PPP1R9A: variants seen among roughly 807,000 people sequenced by gnomAD.
PPP1R9A encodes protein phosphatase 1 regulatory subunit 9A, also known as neurabin-1.
Under a neutral mutation model 141.9 loss-of-function variants are expected in PPP1R9A, and 59 were observed. That is an observed-to-expected ratio of 0.42 (90% CI 0.34 to 0.52). PPP1R9A has a LOEUF of 0.52. Ranked by LOEUF, PPP1R9A falls within the 20% of genes least tolerant of loss-of-function variation. PPP1R9A has a pLI of 0.10. For missense variants in PPP1R9A, 1,444 were observed against 1,611.9 expected, an observed-to-expected ratio of 0.90 and a Z score of 1.78; for synonymous variants, 500 against 569.7, an observed-to-expected ratio of 0.88 and a Z score of 1.74.
chr7:95,053,385 G>GT, intron 2 of PPP1R9A, among the ~76,000 whole-genome samples: 1 of 152,278 alleles, frequency 6.6e-6, no homozygotes, highest in East Asian at 1.9e-4. Flanking sequence ...CACTAAGGAA[G>GT]TTTTTGTATA....
At chr7:94,921,534 A>C (rs1321593264) in intron 2 of PPP1R9A, among the ~76,000 whole-genome samples, 5 of 152,052 alleles carry the variant, frequency 3.3e-5, no homozygotes, top group Non-Finnish European at 7.4e-5. Flanking sequence ...ATTGATGTGC[A>C]AAATTGTTTT....
intron 8 of PPP1R9A, among the ~76,000 whole-genome samples, chr7:95,230,096 C>T (rs1255645680): frequency 6.6e-6 from 1 of 152,148 alleles, no homozygotes; most frequent in African/African-American, 2.4e-5. Flanking sequence ...CAGGAAACCC[C>T]ATTCCTAGGG....
intron 2 of PPP1R9A, among the ~76,000 whole-genome samples, chr7:95,006,899 GT>G (rs1183344350): frequency 4.7e-5 from 7 of 149,960 alleles, no homozygotes; most frequent in African/African-American, 1.7e-4. Context: ...TTTCGCGCTT[GT>G]TGCCCAGGCT....
intron 2 of PPP1R9A, among the ~76,000 whole-genome samples, chr7:95,079,586 T>A (rs1414844589): frequency 1.3e-5 from 2 of 151,928 alleles, no homozygotes; most frequent in Non-Finnish European, 2.9e-5. Context: ...CTAACTCATT[T>A]TATGAGGCCA....
chr7:94,917,676 G>T (rs892812013), intron 2 of PPP1R9A, among the ~76,000 whole-genome samples: 1 of 151,710 alleles, frequency 6.6e-6, no homozygotes, highest in Non-Finnish European at 1.5e-5. Flanking sequence ...CCGAAGTGCT[G>T]AGATTAAAGG....
chr7:95,001,842 CAG>C (rs1802971287), intron 2 of PPP1R9A, among the ~76,000 whole-genome samples: 1 of 152,040 alleles, frequency 6.6e-6, no homozygotes, highest in Admixed American at 6.6e-5. Flanking sequence ...ATTTGAAAAA[CAG>C]AAAAACAAAC....
At chr7:95,037,574 G>T (rs1808605920) in intron 2 of PPP1R9A, among the ~76,000 whole-genome samples, 1 of 152,098 alleles carries the variant, frequency 6.6e-6, no homozygotes, top group Non-Finnish European at 1.5e-5. Flanking sequence ...TAAATACCAG[G>T]TTTGCACTAT....
chr7:94,910,201 C>T lies in PPP1R9A; in HGVS notation c.88C>T (p.Leu30=). 6.2e-7 allele frequency: 1 copy of T among 1,614,034 alleles called. No individual in the cohort carries two copies. Among genetic ancestry groups the T allele is most frequent in the South Asian group, 1.1e-5 (1 of 91,074 alleles). Residue 30 remains leucine (L), a synonymous_variant, in exon 2 of 20, where the codon CTG becomes TTG. Transcript: ENST00000433360. This position sits in a 1 kb window ranked among gnomAD's most constrained non-coding sequence, Gnocchi z 4.5. ...TGCATATCGAACTGAGTTTCAGGCA[C>T]TGAAAAGTACCTTTGACAAACCCAA... ...RNAYRTEFQA[L]KSTFDKPKSD...
intron 2 of PPP1R9A, among the ~76,000 whole-genome samples, chr7:94,997,476 A>T (rs923411511): frequency 6.6e-6 from 1 of 152,140 alleles, no homozygotes; most frequent in African/African-American, 2.4e-5. Context: ...AAACTTCGTT[A>T]TAGTGGGTCT....
At chr7:95,189,688 G>A (rs185139336) in intron 5 of PPP1R9A, among the ~76,000 whole-genome samples, 45 of 151,666 alleles carry the variant, frequency 3.0e-4, no homozygotes, top group Admixed American at 1.3e-3. Flanking sequence ...CGCCTGCCTC[G>A]GCCTCCCAAA....
intron 2 of PPP1R9A, among the ~76,000 whole-genome samples, chr7:95,072,423 A>G (rs1813969980): frequency 6.9e-6 from 1 of 144,078 alleles, no homozygotes; most frequent in Admixed American, 7.3e-5. Flanking sequence ...TTTATGATTC[A>G]TCTCAAACTG....
chr7:95,187,185 A>C (rs914366510), intron 5 of PPP1R9A, among the ~76,000 whole-genome samples: 1 of 152,016 alleles, frequency 6.6e-6, no homozygotes, highest in Non-Finnish European at 1.5e-5. Context: ...TTACTATTTC[A>C]ATCTTATTAC....
chr7:95,001,562 A>G (rs1288499064), intron 2 of PPP1R9A, among the ~76,000 whole-genome samples: 1 of 152,218 alleles, frequency 6.6e-6, no homozygotes, highest in Non-Finnish European at 1.5e-5. Context: ...GTTATCCTTT[A>G]TGAGGAGAAT....
At chr7:94,995,040 C>A (rs1376518783) in intron 2 of PPP1R9A, among the ~76,000 whole-genome samples, 2 of 152,110 alleles carry the variant, frequency 1.3e-5, no homozygotes, top group Non-Finnish European at 2.9e-5. Context: ...GTGATGAATT[C>A]TTCCAGCTTT....
intron 2 of PPP1R9A, among the ~76,000 whole-genome samples, chr7:95,003,439 C>T (rs1258029788): frequency 3.3e-5 from 5 of 152,046 alleles, no homozygotes; most frequent in Non-Finnish European, 7.4e-5. Context: ...CAAGTAAGAT[C>T]ATTTAGAAAC....
intron 5 of PPP1R9A, among the ~76,000 whole-genome samples, chr7:95,197,052 A>G (rs1836393132): frequency 6.6e-6 from 1 of 152,174 alleles, no homozygotes; most frequent in South Asian, 2.1e-4. Context: ...AGTATTTATT[A>G]AAAGGCAATT....
chr7:95,268,646 C>T lies in PPP1R9A; in HGVS notation c.2762C>T (p.Ser921Phe). The change falls in exon 13 of 20, where the codon TCT (serine) becomes TTT (phenylalanine). Residue 921 changes from serine (S) to phenylalanine (F), a missense_variant. Physicochemically the swap from Ser to Phe is radical, Grantham distance 155 (BLOSUM62 -2). Coordinates refer to ENST00000433360, the MANE Select transcript of PPP1R9A (RefSeq NM_001166160.2). ...GTGAAGAACAGACGCCAGAGACCCT[C>T]TAGGACAAGACTGTATGATAGTGTT... ...LSVKNRRQRPSRTRLYDSVSS... is the reference protein window; with the variant it reads ...LSVKNRRQRPFRTRLYDSVSS... The T allele has an allele frequency of 6.2e-7, 1 of 1,613,414 alleles. No homozygotes were observed. The highest frequency in any genetic ancestry group is 8.5e-7 in the Non-Finnish European group (1 of 1,179,550).
At chr7:95,001,058 T>G (rs1408498602) in intron 2 of PPP1R9A, among the ~76,000 whole-genome samples, 1 of 152,172 alleles carries the variant, frequency 6.6e-6, no homozygotes, top group Non-Finnish European at 1.5e-5. Context: ...GAGAAAACAG[T>G]GATTCCCAGA....
intron 2 of PPP1R9A, among the ~76,000 whole-genome samples, chr7:95,079,204 A>G (rs1324133970): frequency 3.3e-5 from 5 of 152,158 alleles, no homozygotes; most frequent in African/African-American, 9.7e-5. Flanking sequence ...ACATATGGCT[A>G]GCCAGTTTTC....
Sources: allele counts gnomAD v4.1 joint callset (sites outside exome capture counted in the v4.1 genomes callset), GRCh38; gene constraint gnomAD v4.1.1; non-coding constraint Gnocchi (gnomAD v3.1); transcripts MANE v1.5; gene names NCBI Gene and HGNC (gene_info 2026-07-23, HGNC 2026-07-21).